The following NUP153 variants were observed in gnomAD, a reference collection of about 807,000 sequenced individuals.
NUP153 encodes the protein nucleoporin 153.
Under a neutral mutation model 134.6 loss-of-function variants are expected in NUP153, and 27 were observed. That is an observed-to-expected ratio of 0.20 (90% CI 0.15 to 0.28). The LOEUF (loss-of-function observed/expected upper bound fraction) is 0.28. Among genes scored for constraint, NUP153 ranks in the 10% least tolerant of loss-of-function variants. NUP153 has a pLI of 1.00. For synonymous variants in NUP153, 640 were observed against 623.5 expected (o/e 1.03, Z -0.40); for missense variants, 1,821 against 1,731.3 (o/e 1.05, Z -0.92).
In NUP153 at chr6:17,706,355, G is replaced by GCCCCCT; in HGVS notation, c.27_32dup (p.Gly13_Gly14dup). The GCCCCCT allele has an allele frequency of 6.2e-7, 1 of 1,612,946 alleles. No individual in the cohort carries two copies. Among genetic ancestry groups the GCCCCCT allele is most frequent in the South Asian group, 1.1e-5 (1 of 91,080 alleles). ...GCCGCGTCCGGATCTTGCCGCCACC[G>GCCCCCT]CCCCCTCCGACTCCTCCGGCTCCCG... is the stretch of plus-strand genomic sequence containing the variant. On this transcript the variant is annotated inframe_insertion, in exon 1 of 22. Transcript: ENST00000262077. This position sits in a 1 kb window ranked among gnomAD's most constrained non-coding sequence, Gnocchi z 5.9.
intron 5 of NUP153, among the ~76,000 whole-genome samples, chr6:17,674,605 C>A (rs1479107396): frequency 6.6e-6 from 1 of 151,984 alleles, no homozygotes; most frequent in Admixed American, 6.6e-5. Context: ...CCCGTCTCTA[C>A]TAAAAATACA....
At chr6:17,632,916 C>A in intron 16 of NUP153, 72 bp from the exon 17 acceptor site, 1 of 1,080,700 alleles carries the variant, frequency 9.3e-7, no homozygotes, top group Admixed American at 2.8e-5. Flanking sequence ...ATGTCAGTAT[C>A]TTAATGGCAC....
intron 14 of NUP153, among the ~76,000 whole-genome samples, chr6:17,640,616 A>G (rs776568959): frequency 6.6e-6 from 1 of 152,202 alleles, no homozygotes; most frequent in Admixed American, 6.5e-5. Context: ...AGCCACAGAA[A>G]TCATTCTTTT....
rs777488757 is a variant in NUP153, at chr6:17,616,177, T to C, written c.4348A>G (p.Asn1450Asp). ...GAAGAAGAGAACACATTTTTCCCATTTGACCTGTGAAAAATAAAAACTTCA... is the reference window on the plus strand; with the variant it reads ...GAAGAAGAGAACACATTTTTCCCATCTGACCTGTGAAAAATAAAAACTTCA... ...QSPAAFTVGS[N>D]GKNVFSSSGT... Residue 1450 changes from asparagine to aspartate, a missense_variant, in exon 22 of 22, where the codon AAT becomes GAT. Physicochemically the swap from Asn to Asp is conservative, Grantham distance 23. Coordinates refer to ENST00000262077, the MANE Select transcript of NUP153 (RefSeq NM_005124.4). The C allele has an allele frequency of 5.6e-6, 9 of 1,611,184 alleles. No individual in the cohort carries two copies. Among genetic ancestry groups the C allele is most frequent in the Non-Finnish European group, 7.6e-6 (9 of 1,178,552 alleles).
chr6:17,639,205 G>A (rs2113786653), intron 15 of NUP153, among the ~76,000 whole-genome samples: 1 of 152,008 alleles, frequency 6.6e-6, no homozygotes, highest in Non-Finnish European at 1.5e-5. Flanking sequence ...AGCCTCCCGA[G>A]TAGCTGGAAC....
intron 1 of NUP153, among the ~76,000 whole-genome samples, chr6:17,702,430 C>G (rs532900659): frequency 6.6e-6 from 1 of 152,276 alleles, no homozygotes; most frequent in Admixed American, 6.5e-5. Context: ...ATGGCGTGAA[C>G]CCGGGAGGCA....
In NUP153 at chr6:17,680,009, T is replaced by G. The variant is rs1768482369; in HGVS notation, c.335-4239A>C. Among the ~76,000 whole-genome samples, 1 of 152,116 alleles carries G rather than the reference T, an allele frequency of 6.6e-6. No homozygotes were observed. The highest frequency in any genetic ancestry group is 6.6e-5 in the Admixed American group (1 of 15,242). On this transcript the variant is annotated intron_variant, in intron 2 of 21. Transcript: ENST00000262077. This position sits in a 1 kb window ranked among gnomAD's most constrained non-coding sequence, Gnocchi z 4.5. ...TTGCGTACCCTACCCTGCAGGTGCT[T>G]TGCCCAGCCCAGCCTGCATACCTTA...
intron 14 of NUP153, among the ~76,000 whole-genome samples, chr6:17,640,764 A>AT (rs1765794593): frequency 6.6e-6 from 1 of 151,994 alleles, no homozygotes; most frequent in South Asian, 2.1e-4. Flanking sequence ...ACACAGGCGC[A>AT]TGCCACCACA....
chr6:17,621,925 T>A (rs1764659816), intron 20 of NUP153, among the ~76,000 whole-genome samples: 1 of 152,198 alleles, frequency 6.6e-6, no homozygotes, highest in Non-Finnish European at 1.5e-5. Flanking sequence ...TGTAACAAAA[T>A]AACACATCAG....
intron 2 of NUP153, among the ~76,000 whole-genome samples, chr6:17,686,523 G>C (rs1768940200): frequency 6.6e-6 from 1 of 151,718 alleles, no homozygotes; most frequent in Non-Finnish European, 1.5e-5. Context: ...AGCCTCCGGA[G>C]TAGCTGGGAC....
In NUP153 at chr6:17,616,143, G is replaced by C; in HGVS notation, c.4382C>G (p.Ser1461Ter). 1 of 1,613,826 alleles carries C rather than the reference G, an allele frequency of 6.2e-7. No homozygotes were observed. The highest frequency in any genetic ancestry group is 1.1e-5 in the South Asian group (1 of 91,070). ...AGTCTTTATCTTGCGACCAGAGAATGAAGTTCCAGAAGAAGAGAACACATT... is the reference window on the plus strand; with the variant it reads ...AGTCTTTATCTTGCGACCAGAGAATCAAGTTCCAGAAGAAGAGAACACATT... Reference protein sequence around the residue: ...GKNVFSSSGTSFSGRKIKTAV... With the variant: ...GKNVFSSSGT Residue 1461 changes from serine (S) to a stop codon, truncating the protein, a stop_gained, in exon 22 of 22, where the codon TCA becomes TGA. Coordinates refer to ENST00000262077, the MANE Select transcript of NUP153 (RefSeq NM_005124.4). LOFTEE classifies it high-confidence loss of function.
In NUP153 at chr6:17,647,888, C is replaced by T. The variant is rs1226086212; in HGVS notation, c.1551G>A (p.Pro517=). 5.0e-6 allele frequency: 8 copies of T among 1,611,740 alleles called. No homozygotes were observed. Among genetic ancestry groups the T allele is most frequent in the South Asian group, 1.1e-5 (1 of 90,706 alleles). Reference sequence around the variant, plus strand: ...TAAACATGGGACTGCCAGTGCTGCTCGGAGAGGTCATTTGTACCTGGTTTT... The same window carrying T: ...TAAACATGGGACTGCCAGTGCTGCTTGGAGAGGTCATTTGTACCTGGTTTT... ...ALTNKVQMTS[P]SSTGSPMFKF... The change falls in exon 13 of 22, where the codon CCG becomes CCA. Residue 517 remains proline, a synonymous_variant. Transcript: ENST00000262077.
chr6:17,652,184 A>T (rs1766534364), intron 11 of NUP153, among the ~76,000 whole-genome samples: 1 of 152,180 alleles, frequency 6.6e-6, no homozygotes, highest in Non-Finnish European at 1.5e-5. Context: ...ATGAATAAGA[A>T]CAAAGATCTA....
chr6:17,666,414 C>T (rs1050996243), intron 8 of NUP153, among the ~76,000 whole-genome samples: 3 of 152,112 alleles, frequency 2.0e-5, no homozygotes, highest in African/African-American at 7.2e-5. Context: ...ATTCAGGAGG[C>T]TGAGGCAGGA....
At chr6:17,704,102 C>CT in intron 1 of NUP153, among the ~76,000 whole-genome samples, 1 of 152,318 alleles carries the variant, frequency 6.6e-6, no homozygotes, top group East Asian at 1.9e-4. Context: ...ATCGTCCTGG[C>CT]TAACATGGTG....
intron 5 of NUP153, among the ~76,000 whole-genome samples, chr6:17,673,165 G>A (rs1434702297): frequency 1.3e-5 from 2 of 152,116 alleles, no homozygotes; most frequent in African/African-American, 4.8e-5. Context: ...TCAAGAGTTC[G>A]AGACCAGCCT....
At chr6:17,618,562 CTTTT>C (rs34236407) in intron 20 of NUP153, among the ~76,000 whole-genome samples, 108 of 133,450 alleles carry the variant, frequency 8.1e-4, no homozygotes, top group East Asian at 3.8e-3. Flanking sequence ...TAAAATCTCT[CTTTT>C]TTTTTTTTTT....
Position 17,629,394 on chromosome 6 carries a change from A to G in NUP153, c.2805T>C (p.Gly935=). ...TTATAGACCCAGAATCGGATGACAC[A>G]CCTATTTTGAATCCTCCCTGATCTC... ...KFGDQGGFKI[G]VSSDSGSINP... The change falls in exon 18 of 22, where the codon GGT becomes GGC. Residue 935 remains glycine, a synonymous_variant. Transcript: ENST00000262077. The G allele has an allele frequency of 6.2e-7, 1 of 1,614,038 alleles. No individual in the cohort carries two copies. Among genetic ancestry groups the G allele is most frequent in the Non-Finnish European group, 8.5e-7 (1 of 1,179,940 alleles).
rs1425849677 is a variant in NUP153 at position 17,680,163 on chromosome 6, A to G, written c.335-4393T>C. On this transcript the variant is annotated intron_variant, in intron 2 of 21. Transcript: ENST00000262077. This position sits in a 1 kb window ranked among gnomAD's most constrained non-coding sequence, Gnocchi z 4.5. ...TGCGCTCAAGCACAAGCCCTGAAAT[A>G]AAAGTCCTGTCTGGGAAATCTGCTT... Among the ~76,000 whole-genome samples, 1 of 152,190 alleles carries G rather than the reference A, an allele frequency of 6.6e-6. No individual in the cohort carries two copies. The highest frequency in any genetic ancestry group is 2.4e-5 in the African/African-American group (1 of 41,448).
Sources: allele counts gnomAD v4.1 joint callset (sites outside exome capture counted in the v4.1 genomes callset), GRCh38; gene constraint gnomAD v4.1.1; non-coding constraint Gnocchi (gnomAD v3.1); transcripts MANE v1.5; gene names NCBI Gene and HGNC (gene_info 2026-07-23, HGNC 2026-07-21).